The following CDH13 variants were observed in gnomAD, a reference collection of about 807,000 sequenced individuals.
The protein encoded by CDH13 is cadherin 13, also known as cadherin-13.
A neutral mutation model predicts 63.8 loss-of-function variants in CDH13; 24 were observed. That is an observed-to-expected ratio of 0.38 (90% confidence interval 0.27 to 0.53). CDH13 has a LOEUF of 0.53. CDH13 is among the 20% of genes least tolerant of loss of function. The pLI is 0.85. For missense variants in CDH13, 1,049 were observed against 903.1 expected (o/e 1.16, Z -2.07); for synonymous variants, 503 against 355.3 (o/e 1.42, Z -4.67).
intron 2 of CDH13, among the ~76,000 whole-genome samples, chr16:82,967,331 C>A (rs370221175): frequency 6.6e-6 from 1 of 152,082 alleles, no homozygotes; most frequent in Non-Finnish European, 1.5e-5. Context: ...TAGCTCTAAT[C>A]ACAACTTGAA....
chr16:82,885,406 C>G (rs939066042), intron 2 of CDH13, among the ~76,000 whole-genome samples: 9 of 151,638 alleles, frequency 5.9e-5, no homozygotes, highest in Non-Finnish European at 1.3e-4. Flanking sequence ...AGCTCTCCAT[C>G]CACCCACCCA....
At chr16:83,513,625 G>A (rs1033957959) in intron 7 of CDH13, among the ~76,000 whole-genome samples, 6 of 152,062 alleles carry the variant, frequency 3.9e-5, no homozygotes, top group African/African-American at 1.4e-4. Context: ...CAATGCGCAG[G>A]GATAGCCCCT....
chr16:83,719,046 G>C (rs1909324756), intron 10 of CDH13, among the ~76,000 whole-genome samples: 1 of 152,128 alleles, frequency 6.6e-6, no homozygotes, highest in African/African-American at 2.4e-5. Context: ...CACTGTAGGG[G>C]GATGGCTTCC....
chr16:83,147,427 AG>A (rs2036797345), intron 4 of CDH13, among the ~76,000 whole-genome samples: 1 of 152,098 alleles, frequency 6.6e-6, no homozygotes, highest in Non-Finnish European at 1.5e-5. Flanking sequence ...AACATTCCTC[AG>A]GGCTCCCTAT....
At chr16:83,577,163 C>T (rs770066660) in intron 7 of CDH13, among the ~76,000 whole-genome samples, 21 of 152,170 alleles carry the variant, frequency 1.4e-4, no homozygotes, top group Non-Finnish European at 2.6e-4. Context: ...CATCAGGTCA[C>T]ATGGTGCCGT....
intron 1 of CDH13, among the ~76,000 whole-genome samples, chr16:82,678,860 T>C (rs1273549996): frequency 6.6e-6 from 1 of 152,132 alleles, no homozygotes; most frequent in East Asian, 1.9e-4. Context: ...AACAACTCTT[T>C]CATCATCCCT....
At chr16:83,689,091 A>G (rs1041231930) in intron 10 of CDH13, among the ~76,000 whole-genome samples, 1 of 152,214 alleles carries the variant, frequency 6.6e-6, no homozygotes, top group Admixed American at 6.5e-5. Context: ...CCATCTACAT[A>G]TGTTGTTATA....
chr16:82,892,522 G>T (rs1477681849), intron 2 of CDH13, among the ~76,000 whole-genome samples: 1 of 152,190 alleles, frequency 6.6e-6, no homozygotes, highest in African/African-American at 2.4e-5. Context: ...GACAGTCTGT[G>T]TAGAGTGAGT....
intron 1 of CDH13, among the ~76,000 whole-genome samples, chr16:82,640,542 G>C (rs1040597001): frequency 2.6e-5 from 4 of 152,140 alleles, no homozygotes; most frequent in African/African-American, 9.7e-5. Context: ...TGAATGGGCA[G>C]GGTAATAAAA....
chr16:83,541,805 G>T (rs1160027530), intron 7 of CDH13, among the ~76,000 whole-genome samples: 1 of 152,186 alleles, frequency 6.6e-6, no homozygotes, highest in Non-Finnish European at 1.5e-5. Flanking sequence ...TACCACATCA[G>T]GTTTCTTCAT....
At chr16:82,786,982 C>G (rs1331172628) in intron 1 of CDH13, among the ~76,000 whole-genome samples, 1 of 152,156 alleles carries the variant, frequency 6.6e-6, no homozygotes, top group Non-Finnish European at 1.5e-5. Context: ...TCTAAATTAA[C>G]AGGAGTATGA....
intron 6 of CDH13, among the ~76,000 whole-genome samples, chr16:83,432,619 G>A (rs1193472935): frequency 6.6e-6 from 1 of 152,128 alleles, no homozygotes; most frequent in Non-Finnish European, 1.5e-5. Context: ...TGGGACTGGA[G>A]CCACCACGTG....
intron 1 of CDH13, among the ~76,000 whole-genome samples, chr16:82,655,357 C>A (rs1034988214): frequency 2.0e-5 from 3 of 151,998 alleles, no homozygotes; most frequent in Admixed American, 1.3e-4. Context: ...GGGAGGTGTC[C>A]TGGAGAGGAG....
chr16:83,093,190 C>G (rs935975271), intron 3 of CDH13, among the ~76,000 whole-genome samples: 1 of 149,476 alleles, frequency 6.7e-6, no homozygotes, highest in Non-Finnish European at 1.5e-5. Flanking sequence ...TACTCAGTTT[C>G]TGTCTTCTCC....
At chr16:82,654,917 T>C (rs901339427) in intron 1 of CDH13, among the ~76,000 whole-genome samples, 5 of 152,110 alleles carry the variant, frequency 3.3e-5, no homozygotes, top group African/African-American at 1.2e-4. Context: ...AGTGACTAGA[T>C]CCATTATACA....
At chr16:83,456,956 T>C (rs11149570) in intron 6 of CDH13, among the ~76,000 whole-genome samples, 75,102 of 151,926 alleles carry the variant, frequency 0.49, 19,108 homozygotes, top group African/African-American at 0.58. Context: ...AGTAAGACTC[T>C]GCCTAAAATA....
intron 7 of CDH13, among the ~76,000 whole-genome samples, chr16:83,565,093 C>T (rs539998225): frequency 3.3e-5 from 5 of 152,324 alleles, no homozygotes; most frequent in African/African-American, 1.2e-4. Context: ...CCTACACCTG[C>T]CAGGTCTGTG....
intron 10 of CDH13, among the ~76,000 whole-genome samples, chr16:83,733,576 C>G (rs377509629): frequency 6.6e-6 from 1 of 152,304 alleles, no homozygotes; most frequent in East Asian, 1.9e-4. Flanking sequence ...CTGTGGTCCC[C>G]GCTGCAGCTG....
At chr16:83,593,463 T>C (rs935285673) in intron 7 of CDH13, among the ~76,000 whole-genome samples, 3 of 152,098 alleles carry the variant, frequency 2.0e-5, no homozygotes, top group Non-Finnish European at 4.4e-5. Flanking sequence ...AAATCAGCTA[T>C]GGTAGGAGTA....
Sources: gnomAD v4.1 joint callset for allele counts (sites outside exome capture counted in the v4.1 genomes callset) on GRCh38, gnomAD v4.1.1 for gene constraint, MANE v1.5 for transcripts, NCBI Gene and HGNC (gene_info 2026-07-23, HGNC 2026-07-21) for gene names.